Variants in ANKRD44 observed in about 807,000 individuals in gnomAD.
The protein encoded by ANKRD44 is serine/threonine-protein phosphatase 6 regulatory ankyrin repeat subunit B.
A neutral mutation model predicts 116.0 loss-of-function variants in ANKRD44; 35 were observed. The ratio of observed to expected loss-of-function variants is 0.30; its 90% CI spans 0.23 to 0.40. The LOEUF (loss-of-function observed/expected upper bound fraction) is 0.40. Ranked by LOEUF, ANKRD44 falls within the 10% of genes least tolerant of loss-of-function variation. ANKRD44 has a pLI of 1.00. For missense variants in ANKRD44, 1,014 were observed against 1,242.6 expected (o/e 0.82, Z 2.77); for synonymous variants, 435 against 461.8 (o/e 0.94, Z 0.74).
intron 2 of ANKRD44, among the ~76,000 whole-genome samples, chr2:197,158,660 G>A (rs1052480141): frequency 6.6e-6 from 1 of 152,152 alleles, no homozygotes; most frequent in Non-Finnish European, 1.5e-5. Flanking sequence ...TCACAGGAGA[G>A]GAAGCTAGAA....
intron 1 of ANKRD44, among the ~76,000 whole-genome samples, chr2:197,211,016 G>A (rs973957476): frequency 9.2e-5 from 14 of 152,104 alleles, no homozygotes; most frequent in African/African-American, 3.1e-4. Flanking sequence ...CCTGCATGCC[G>A]AGAAAAGGCA....
At chr2:197,209,977 C>A (rs977113552) in intron 1 of ANKRD44, among the ~76,000 whole-genome samples, 1 of 152,178 alleles carries the variant, frequency 6.6e-6, no homozygotes, top group Admixed American at 6.5e-5. Flanking sequence ...AGCCAGGAAC[C>A]GCACAGAGAC....
chr2:197,310,669 G>A lies in ANKRD44; in HGVS notation c.-65C>T, dbSNP rs1363449855. 108 of 1,304,836 alleles carry A rather than the reference G, an allele frequency of 8.3e-5. No homozygotes were observed. Among genetic ancestry groups the A allele is most frequent in the Admixed American group, 2.0e-4 (7 of 35,438 alleles). The allele number at this position is 1,304,836 out of a possible 1,614,324, so 80.8% of individuals were successfully genotyped here. A position where few individuals can be genotyped will look rare whatever the true frequency, so the allele number is the denominator to read the frequency against. On this transcript the variant is annotated 5_prime_UTR_variant, in exon 1 of 28. Coordinates refer to ENST00000282272, the MANE Select transcript of ANKRD44 (RefSeq NM_001195144.2). ...GCCCGCAGATGTCACGCCGGGAGCC[G>A]GGGAAGCGGAAGGGATTGCCAGGAG...
intron 17 of ANKRD44, among the ~76,000 whole-genome samples, chr2:197,019,462 C>T (rs1443560901): frequency 6.6e-6 from 1 of 152,198 alleles, no homozygotes; most frequent in African/African-American, 2.4e-5. Context: ...ATTCTCACAA[C>T]AACCTATGCT....
intron 17 of ANKRD44, chr2:197,015,665 G>T: frequency 1.8e-6 from 1 of 558,210 alleles, no homozygotes; most frequent in Admixed American, 2.6e-5. Context: ...GGTAGTTATG[G>T]AGGAGGTGAT....
At chr2:197,285,660 C>T (rs1317058462) in intron 1 of ANKRD44, among the ~76,000 whole-genome samples, 1 of 152,206 alleles carries the variant, frequency 6.6e-6, no homozygotes, top group Non-Finnish European at 1.5e-5. Flanking sequence ...TAAAGATTTG[C>T]ACCGTTTGCT....
At chr2:196,977,629 G>C (rs997974122) in intron 21 of ANKRD44, among the ~76,000 whole-genome samples, 1 of 152,198 alleles carries the variant, frequency 6.6e-6, no homozygotes, top group Non-Finnish European at 1.5e-5. Context: ...GAAAGTGCAA[G>C]TGAAAACCAC....
intron 16 of ANKRD44, among the ~76,000 whole-genome samples, chr2:197,035,688 G>C (rs992723353): frequency 6.6e-6 from 1 of 151,908 alleles, no homozygotes; most frequent in Non-Finnish European, 1.5e-5. Context: ...CATTCTGCTT[G>C]TCTATGCTGA....
chr2:196,973,006 C>T (rs1051828122), intron 21 of ANKRD44, among the ~76,000 whole-genome samples: 1 of 152,142 alleles, frequency 6.6e-6, no homozygotes, highest in Admixed American at 6.5e-5. Flanking sequence ...AAAGGTGCAT[C>T]CTTCAATTGC....
At chr2:197,214,108 A>T (rs1460128295) in intron 1 of ANKRD44, among the ~76,000 whole-genome samples, 1 of 152,130 alleles carries the variant, frequency 6.6e-6, no homozygotes, top group Non-Finnish European at 1.5e-5. Flanking sequence ...TTACCCCCAT[A>T]ATTTTTGTGG....
intron 21 of ANKRD44, among the ~76,000 whole-genome samples, chr2:196,970,828 G>A (rs537092189): frequency 6.6e-6 from 1 of 151,874 alleles, no homozygotes; most frequent in Non-Finnish European, 1.5e-5. Flanking sequence ...CAGCCTCCTG[G>A]GTAGCTGGGA....
chr2:197,282,183 G>A (rs544596651), intron 1 of ANKRD44, among the ~76,000 whole-genome samples: 24 of 152,308 alleles, frequency 1.6e-4, no homozygotes, highest in African/African-American at 5.8e-4. Context: ...AACCTGGGAG[G>A]CAGAGCCTGC....
At chr2:197,114,322 T>G (rs575985781) in intron 8 of ANKRD44, among the ~76,000 whole-genome samples, 5 of 152,360 alleles carry the variant, frequency 3.3e-5, no homozygotes, top group South Asian at 2.1e-4. Flanking sequence ...TCCCATAGAA[T>G]TTAGGGCTTT....
intron 9 of ANKRD44, among the ~76,000 whole-genome samples, chr2:197,106,816 T>A (rs1011115817): frequency 2.1e-5 from 3 of 142,330 alleles, no homozygotes; most frequent in Non-Finnish European, 4.5e-5. Context: ...ATTTTTTTTT[T>A]TTTTTCAGGA....
At chr2:197,127,388 C>T (rs948652997) in intron 4 of ANKRD44, among the ~76,000 whole-genome samples, 6 of 152,152 alleles carry the variant, frequency 3.9e-5, no homozygotes, top group Admixed American at 3.9e-4. Flanking sequence ...AAACAGATAA[C>T]TACCTTTTTA....
intron 16 of ANKRD44, among the ~76,000 whole-genome samples, chr2:197,040,636 C>T (rs1294723345): frequency 1.3e-5 from 2 of 152,042 alleles, no homozygotes; most frequent in Non-Finnish European, 2.9e-5. Flanking sequence ...CTTGGCCTCC[C>T]AAGGTGCTGG....
At chr2:197,284,253 C>T (rs888238104) in intron 1 of ANKRD44, among the ~76,000 whole-genome samples, 1 of 152,088 alleles carries the variant, frequency 6.6e-6, no homozygotes, top group Admixed American at 6.6e-5. Context: ...GGGTCACTCC[C>T]GCCTCTGGCA....
chr2:197,098,637 C>T (rs916872932), intron 10 of ANKRD44, among the ~76,000 whole-genome samples: 5 of 152,164 alleles, frequency 3.3e-5, no homozygotes, highest in Non-Finnish European at 4.4e-5. Flanking sequence ...TAGCTCACTA[C>T]GTGCCAGGCA....
At chr2:197,160,708 C>T (rs1416606036) in intron 2 of ANKRD44, among the ~76,000 whole-genome samples, 1 of 152,186 alleles carries the variant, frequency 6.6e-6, no homozygotes, top group Admixed American at 6.5e-5. Context: ...ATCCCTGCTG[C>T]CCTGAAGGCC....
Sources: gnomAD v4.1 joint callset for allele counts (sites outside exome capture counted in the v4.1 genomes callset) on GRCh38, gnomAD v4.1.1 for gene constraint, MANE v1.5 for transcripts, NCBI Gene and HGNC (gene_info 2026-07-23, HGNC 2026-07-21) for gene names.